SENP2: variants seen among roughly 807,000 people sequenced by gnomAD.
SENP2 encodes SUMO specific peptidase 2, also known as sentrin-specific protease 2.
SENP2 carries 16 observed loss-of-function variants against 86.3 expected under a neutral mutation model. The observed-to-expected ratio is 0.19, with a 90% CI of 0.13 to 0.28. The LOEUF is 0.28. Among genes scored for constraint, SENP2 ranks in the 10% least tolerant of loss-of-function variants. SENP2 has a pLI of 1.00. For synonymous variants in SENP2, 222 were observed against 238.7 expected (o/e 0.93, Z 0.64); for missense variants, 552 against 703.0 (o/e 0.79, Z 2.43).
chr3:185,602,947 C>T (rs1445072507), intron 5 of SENP2, among the ~76,000 whole-genome samples: 6 of 119,402 alleles, frequency 5.0e-5, no homozygotes, highest in Admixed American at 9.9e-5. Flanking sequence ...GAGTCTTGCT[C>T]TGTCACCCAG....
chr3:185,596,788 G>A (rs1722189713), intron 2 of SENP2, among the ~76,000 whole-genome samples: 1 of 152,176 alleles, frequency 6.6e-6, no homozygotes. Context: ...GCCGTACTCG[G>A]TGGCTATATG....
At chr3:185,598,283 G>T in intron 2 of SENP2, 129 bp from the exon 3 acceptor site, 1 of 977,544 alleles carries the variant, frequency 1.0e-6, no homozygotes, top group Non-Finnish European at 1.6e-6. Context: ...TGGGATTACA[G>T]GTGTGAGCCA....
chr3:185,590,162 A>G lies in SENP2; in HGVS notation c.150A>G (p.Pro50=), dbSNP rs148652006. ...VDTDEIPAKR[P]RLDCFIHQVK... ...CTGATGAAATACCAGCCAAAAGACC[A>G]AGATTAGGTACTGAATATAAATTTT... Residue 50 remains proline (P), a synonymous_variant, in exon 2 of 17, where the codon CCA becomes CCG. Transcript: ENST00000296257. 143 of 1,545,502 alleles carry G rather than the reference A, an allele frequency of 9.3e-5. No homozygotes were observed. Among genetic ancestry groups the G allele is most frequent in the Non-Finnish European group, 1.1e-4 (127 of 1,141,316 alleles).
intron 16 of SENP2, among the ~76,000 whole-genome samples, chr3:185,627,286 CAAAG>C (rs1396969176): frequency 1.3e-5 from 2 of 152,116 alleles, no homozygotes; most frequent in African/African-American, 4.8e-5. Context: ...TATTTCTAGC[CAAAG>C]AAAGAGGTAT....
At position 185,621,390 on chromosome 3, in the gene SENP2, T is replaced by TC. The variant is rs1187341280; in HGVS notation, c.1447-436_1447-435insC. 1.7e-3 allele frequency among the ~76,000 whole-genome samples: 222 copies of TC among 130,262 alleles called. 2 individuals are homozygous for TC. The highest frequency in any genetic ancestry group is 6.0e-3 in the African/African-American group (211 of 34,970). 85.5% of individuals were successfully genotyped at this position (130,262 alleles called of 152,430 possible). A position where few individuals can be genotyped will look rare whatever the true frequency, so the allele number is the denominator to read the frequency against. ...GATATCGTTTTTCTTTTTTTTCTTT[T>TC]TTTTTTTTTTTTTTTTTTTGAGACA... is the stretch of plus-strand genomic sequence containing the variant. On this transcript the variant is annotated intron_variant, in intron 13 of 16. Transcript: ENST00000296257.
At position 185,619,372 on chromosome 3, in the gene SENP2, G is replaced by C. The variant is rs1256243580; in HGVS notation, c.1316G>C (p.Ser439Thr). 6.2e-7 allele frequency: 1 copy of C among 1,613,886 alleles called. No homozygotes were observed. Among genetic ancestry groups the C allele is most frequent in the Admixed American group, 1.7e-5 (1 of 60,006 alleles). The change falls in exon 13 of 17, where the codon AGT becomes ACT. Residue 439 changes from serine (S) to threonine (T), a missense_variant. Coordinates refer to ENST00000296257, the MANE Select transcript of SENP2 (RefSeq NM_021627.3). The part of the protein sequence containing the change: ...KQGYPALHVF[S>T]TFFYPKLKSG... ...GGCTATCCAGCACTTCATGTATTCA[G>C]TACTTTCTTCTATCCTAAATTAAAG... is the stretch of plus-strand genomic sequence containing the variant.
At chr3:185,609,699 C>T (rs1405691366) in intron 7 of SENP2, among the ~76,000 whole-genome samples, 2 of 151,934 alleles carry the variant, frequency 1.3e-5, no homozygotes, top group African/African-American at 4.8e-5. Context: ...CCCTTCCCCA[C>T]CCCACTCCTG....
intron 2 of SENP2, among the ~76,000 whole-genome samples, chr3:185,593,764 C>T (rs1183334415): frequency 1.5e-5 from 2 of 137,300 alleles, no homozygotes; most frequent in African/African-American, 2.7e-5. Context: ...GTTTCTTTCT[C>T]GTTGCCCAAG....
At chr3:185,602,155 A>G (rs1178302757) in intron 5 of SENP2, among the ~76,000 whole-genome samples, 1 of 151,896 alleles carries the variant, frequency 6.6e-6, no homozygotes, top group Non-Finnish European at 1.5e-5. Flanking sequence ...GTCTCCCTCC[A>G]TGTTTGTTTA....
intron 4 of SENP2, among the ~76,000 whole-genome samples, chr3:185,599,885 A>C (rs1196554107): frequency 6.9e-6 from 1 of 144,152 alleles, no homozygotes; most frequent in South Asian, 2.1e-4. Flanking sequence ...TCTCGGCTCC[A>C]GCTCCTGGGT....
chr3:185,610,069 T>G (rs754895941), intron 7 of SENP2, among the ~76,000 whole-genome samples: 6 of 151,620 alleles, frequency 4.0e-5, no homozygotes, highest in Non-Finnish European at 5.9e-5. Flanking sequence ...TAGGTAATTC[T>G]AACAAGTGGT....
At chr3:185,592,727 C>T (rs1722048237) in intron 2 of SENP2, among the ~76,000 whole-genome samples, 1 of 151,924 alleles carries the variant, frequency 6.6e-6, no homozygotes, top group Admixed American at 6.6e-5. Flanking sequence ...AGTGATTCCC[C>T]TGCCTCAGCT....
intron 4 of SENP2, among the ~76,000 whole-genome samples, chr3:185,599,325 G>A (rs961376352): frequency 4.6e-5 from 7 of 152,096 alleles, no homozygotes; most frequent in African/African-American, 1.4e-4. Flanking sequence ...TCTGTGCCGG[G>A]TGCTGTGCTT....
intron 13 of SENP2, among the ~76,000 whole-genome samples, chr3:185,620,052 TC>T (rs1711786245): frequency 6.6e-6 from 1 of 151,184 alleles, no homozygotes; most frequent in African/African-American, 2.4e-5. Context: ...TTTTTCTTTT[TC>T]TTTTTTTTTT....
chr3:185,621,273 A>C, intron 13 of SENP2, among the ~76,000 whole-genome samples: 1 of 146,860 alleles, frequency 6.8e-6, no homozygotes, highest in African/African-American at 2.5e-5. Flanking sequence ...AGGACCACTA[A>C]TTTTTTAACT....
intron 6 of SENP2, among the ~76,000 whole-genome samples, chr3:185,608,576 G>A (rs1024633373): frequency 6.6e-6 from 1 of 152,162 alleles, no homozygotes; most frequent in African/African-American, 2.4e-5. Context: ...GAAATTTTGA[G>A]GAGACACATT....
At chr3:185,587,289 C>T (rs1721817566) in intron 1 of SENP2, among the ~76,000 whole-genome samples, 1 of 151,650 alleles carries the variant, frequency 6.6e-6, no homozygotes, top group African/African-American at 2.4e-5. Flanking sequence ...TGCACCACCA[C>T]GCCTGGCTAA....
At chr3:185,606,264 G>A in intron 5 of SENP2, 66 bp from the exon 6 acceptor site, 1 of 1,430,000 alleles carries the variant, frequency 7.0e-7, no homozygotes, top group Non-Finnish European at 9.5e-7. Flanking sequence ...GATGGTCTGG[G>A]AGCTTAGATT....
chr3:185,630,125 C>T lies in SENP2; in HGVS notation c.*281C>T. ...AATATTTTTTTTAAGAGATTCTTTT[C>T]CCTATGAATGTGGGAAATGCAGGAT... On this transcript the variant is annotated 3_prime_UTR_variant, in exon 17 of 17. Transcript: ENST00000296257. 1 of 315,228 alleles carries T rather than the reference C, an allele frequency of 3.2e-6. No individual in the cohort carries two copies. Among genetic ancestry groups the T allele is most frequent in the South Asian group, 7.7e-5 (1 of 12,950 alleles). The allele number at this position is 315,228 out of a possible 1,614,324, so 19.5% of individuals were successfully genotyped here.
Sources: allele counts gnomAD v4.1 joint callset (sites outside exome capture counted in the v4.1 genomes callset), GRCh38; gene constraint gnomAD v4.1.1; transcripts MANE v1.5; gene names NCBI Gene and HGNC (gene_info 2026-07-23, HGNC 2026-07-21).